PRRT4: variants seen among roughly 807,000 people sequenced by gnomAD.
The protein encoded by PRRT4 is proline-rich transmembrane protein 4.
Under a neutral mutation model 55.6 loss-of-function variants are expected in PRRT4, and 59 were observed. The observed-to-expected ratio is 1.06, with a 90% CI of 0.86 to 1.32. PRRT4 has a LOEUF of 1.32. Ranked by LOEUF, PRRT4 falls within the 40% of genes most tolerant of loss-of-function variation. The pLI is 0.00. For synonymous variants in PRRT4, 606 were observed against 601.8 expected (o/e 1.01, Z -0.10); for missense variants, 1,217 against 1,222.0 (o/e 1.00, Z 0.06).
exon 2 of PRRT4, chr7:128,359,480 G>A (rs918317556): frequency 6.8e-7 from 1 of 1,463,866 alleles, no homozygotes; most frequent in Non-Finnish European, 9.0e-7. Context: ...GCTCTGGTGG[G>A]GCCTGGGAGC....
chr7:128,350,373 C>T (rs1796928832), downstream of PRRT4: 2 of 157,918 alleles, frequency 1.3e-5, no homozygotes, highest in South Asian at 1.9e-4. Context: ...CCCTCCCACC[C>T]AACTGCTATA....
intron 1 of PRRT4, 32 bp downstream of exon 1, chr7:128,361,529 C>G (rs1346116755): frequency 3.3e-5 from 5 of 153,038 alleles, no homozygotes; most frequent in East Asian, 1.9e-4. Flanking sequence ...CTGAGCCGCC[C>G]CCGGCCCAGC....
Position 128,358,618 on chromosome 7 carries a change from G to A in PRRT4, c.877+63C>T. ...TAAAAGGGTCCCAGAACACTGATGA[G>A]TGACTAGCATGTAGTAAGTGCTCAA... On this transcript the variant is annotated intron_variant, in intron 4 of 4. Coordinates refer to ENST00000535159, the Ensembl canonical transcript of PRRT4. This position sits in a 1 kb window ranked among gnomAD's most constrained non-coding sequence, Gnocchi z 4.4. 7.1e-7 allele frequency: 1 copy of A among 1,404,018 alleles called. No individual in the cohort carries two copies. Among genetic ancestry groups the A allele is most frequent in the Non-Finnish European group, 9.8e-7 (1 of 1,015,638 alleles). The allele number at this position is 1,404,018 out of a possible 1,614,324, so 87.0% of individuals were successfully genotyped here.
In PRRT4 at chr7:128,352,299, G is replaced by T; in HGVS notation, c.1257C>A (p.Tyr419Ter). 2 of 1,543,254 alleles carry T rather than the reference G, an allele frequency of 1.3e-6. No individual in the cohort carries two copies. Among genetic ancestry groups the T allele is most frequent in the Non-Finnish European group, 8.7e-7 (1 of 1,146,412 alleles). Residue 419 changes from tyrosine to a stop codon, truncating the protein, a stop_gained, in exon 5 of 5, where the codon TAC (tyrosine) becomes TAA (stop). Transcript: ENST00000535159. LOFTEE classifies it high-confidence loss of function. ...GTCGATCCCTGTGCCCATAGGCGTC[G>T]TAGAAGAGCGGGAAGGCCCGCGTGG...
At chr7:128,355,438 C>T (rs538696940) in intron 4 of PRRT4, among the ~76,000 whole-genome samples, 1 of 152,240 alleles carries the variant, frequency 6.6e-6, no homozygotes, top group South Asian at 2.1e-4. Flanking sequence ...CCTTGTGATC[C>T]ACCTGCCTCG....
intron 4 of PRRT4, among the ~76,000 whole-genome samples, chr7:128,354,627 C>T (rs549490320): frequency 3.3e-5 from 5 of 151,026 alleles, no homozygotes; most frequent in East Asian, 1.9e-4. Context: ...ATAATAAATG[C>T]GTAAAAGATA....
chr7:128,351,752 G>A, exon 5 of PRRT4: 2 of 1,452,960 alleles, frequency 1.4e-6, no homozygotes, highest in Non-Finnish European at 1.8e-6. Flanking sequence ...CGCAGGCCTA[G>A]CTGGAAGGCC....
At chr7:128,351,668 G>A (rs1796975126) in exon 5 of PRRT4, 1 of 1,512,752 alleles carries the variant, frequency 6.6e-7, no homozygotes, top group Non-Finnish European at 8.8e-7. Flanking sequence ...CAGCGCGGCG[G>A]CACGCGAGGA....
At position 128,351,996 on chromosome 7, in the gene PRRT4, GC is replaced by G. The variant is rs1402843463; in HGVS notation, c.1559del (p.Gly520AlafsTer51). On this transcript the variant is annotated frameshift_variant, in exon 5 of 5. Transcript: ENST00000535159. LOFTEE classifies it high-confidence loss of function. Reference sequence around the variant, plus strand: ...GCGCCCCGGCCCGCCGCCGCCGCCCGCCCCAGCAGGAGAGCGCCAGCAGCAG... The same window carrying G: ...GCGCCCCGGCCCGCCGCCGCCGCCCGCCCAGCAGGAGAGCGCCAGCAGCAG... 1 of 1,309,018 alleles carries G rather than the reference GC, an allele frequency of 7.6e-7. No individual in the cohort carries two copies. 81.1% of individuals were successfully genotyped at this position (1,309,018 alleles called of 1,614,324 possible).
Position 128,359,264 on chromosome 7 carries a change from A to G in PRRT4, c.653-11T>C. 2 of 1,548,602 alleles carry G rather than the reference A, an allele frequency of 1.3e-6. No individual in the cohort carries two copies. The highest frequency in any genetic ancestry group is 1.7e-6 in the Non-Finnish European group (2 of 1,145,790). ...TAGTGCCAAAGAATCCTGCAAAAGA[A>G]GCCCAGGCTGAAGCTGCCTCCTACC... On this transcript the variant is annotated splice_polypyrimidine_tract_variant and intron_variant, in intron 2 of 4. Coordinates refer to ENST00000535159, the Ensembl canonical transcript of PRRT4.
At chr7:128,351,704 G>C in exon 5 of PRRT4, 1 of 1,498,780 alleles carries the variant, frequency 6.7e-7, no homozygotes, top group Non-Finnish European at 8.8e-7. Context: ...TAGAGGCCCA[G>C]CAGCGCCAAC....
chr7:128,358,901 G>A lies in PRRT4; in HGVS notation c.758-101C>T. 6.9e-7 allele frequency: 1 copy of A among 1,457,182 alleles called. No individual in the cohort carries two copies. The highest frequency in any genetic ancestry group is 9.0e-7 in the Non-Finnish European group (1 of 1,105,020). The allele number at this position is 1,457,182 out of a possible 1,614,324, so 90.3% of individuals were successfully genotyped here. A position where few individuals can be genotyped will look rare whatever the true frequency, so the allele number is the denominator to read the frequency against. On this transcript the variant is annotated intron_variant, in intron 3 of 4. Transcript: ENST00000535159. The surrounding 1 kb of genome is among the most constrained non-coding windows in gnomAD (Gnocchi z 4.4). ...GTCCTTCCCCAGAGTTTGTCCTAAG[G>A]AAGTCACTGTCCCAGGAATTGTAGC...
In PRRT4 at chr7:128,359,322, G is replaced by A; in HGVS notation, c.652+18C>T. 6.6e-7 allele frequency: 1 copy of A among 1,505,880 alleles called. No individual in the cohort carries two copies. The highest frequency in any genetic ancestry group is 1.3e-5 in the South Asian group (1 of 75,290). The allele number at this position is 1,505,880 out of a possible 1,614,324, so 93.3% of individuals were successfully genotyped here. ...GGTGCCCAGCAGGGGCTTTCCTTGG[G>A]ATGGGGTGGTTACTCACCAAAGGGT... On this transcript the variant is annotated intron_variant, in intron 2 of 4. Transcript: ENST00000535159.
chr7:128,354,771 A>C (rs1267933183), intron 4 of PRRT4, among the ~76,000 whole-genome samples: 1 of 152,180 alleles, frequency 6.6e-6, no homozygotes, highest in Admixed American at 6.5e-5. Flanking sequence ...CAAAACATTA[A>C]ATATACACAG....
Position 128,353,598 on chromosome 7 carries a change from CT to C in PRRT4, c.878-921del, listed in dbSNP as rs59559595. ...CTTAGCCTATCCATGGCAGTGACCC[CT>C]ATCCTGCCTCATCCACAAAGCCATT... On this transcript the variant is annotated intron_variant, in intron 4 of 4. Transcript: ENST00000535159. Among the ~76,000 whole-genome samples the C allele has an allele frequency of 7.4e-3, 1,132 of 152,314 alleles. 13 individuals carry two copies. Among genetic ancestry groups the C allele is most frequent in the African/African-American group, 0.026 (1,064 of 41,568 alleles).
intron 4 of PRRT4, among the ~76,000 whole-genome samples, chr7:128,353,874 G>A (rs528888159): frequency 1.3e-5 from 2 of 152,310 alleles, no homozygotes; most frequent in South Asian, 4.1e-4. Flanking sequence ...TGGAAAAAGG[G>A]AAGTCACCTA....
intron 3 of PRRT4, 61 bp downstream of exon 4, chr7:128,359,088 T>C: frequency 6.7e-7 from 1 of 1,502,226 alleles, no homozygotes; most frequent in Non-Finnish European, 9.1e-7. Context: ...GTTAGGCTCC[T>C]AGCACAGCGC....
chr7:128,351,758 AGGCCCACCAGGGCCAG>A lies in PRRT4; in HGVS notation c.1782_1797del (p.Trp595SerfsTer3), dbSNP rs1242813144. 6.9e-7 allele frequency: 1 copy of A among 1,447,666 alleles called. No homozygotes were observed. The highest frequency in any genetic ancestry group is 1.5e-5 in the African/African-American group (1 of 67,020). The allele number at this position is 1,447,666 out of a possible 1,614,324, so 89.7% of individuals were successfully genotyped here. On this transcript the variant is annotated frameshift_variant, in exon 5 of 5. Coordinates refer to ENST00000535159, the Ensembl canonical transcript of PRRT4. LOFTEE classifies it high-confidence loss of function. ...TCGCCCAGGCGCAGGCCTAGCTGGA[AGGCCCACCAGGGCCAG>A]GGCCCTTCCAGGCCGGATTGGCCGC...
chr7:128,356,640 C>T (rs907790209), intron 4 of PRRT4, among the ~76,000 whole-genome samples: 1 of 152,226 alleles, frequency 6.6e-6, no homozygotes, highest in East Asian at 1.9e-4. Context: ...ACCTCAGTGG[C>T]CAGGAGGAGA....
Sources: gnomAD v4.1 joint callset for allele counts (sites outside exome capture counted in the v4.1 genomes callset) on GRCh38, gnomAD v4.1.1 for gene constraint, Gnocchi (gnomAD v3.1) non-coding constraint, MANE v1.5 for transcripts, NCBI Gene and HGNC (gene_info 2026-07-23, HGNC 2026-07-21) for gene names.